The following UBA3 variants were observed in gnomAD, a reference collection of about 807,000 sequenced individuals.
UBA3 encodes ubiquitin like modifier activating enzyme 3, also known as NEDD8-activating enzyme E1 catalytic subunit.
UBA3 carries 26 observed loss-of-function variants against 73.5 expected under a neutral mutation model. The ratio of observed to expected loss-of-function variants is 0.35; its 90% CI spans 0.26 to 0.49. The LOEUF is 0.49. Among genes scored for constraint, UBA3 ranks in the 20% least tolerant of loss-of-function variants. UBA3 has a pLI of 0.98. For synonymous variants in UBA3, 217 were observed against 191.2 expected (o/e 1.13, Z -1.11); for missense variants, 495 against 555.6 (o/e 0.89, Z 1.10).
intron 2 of UBA3, 75 bp from the exon 3 acceptor site, chr3:69,077,993 C>T (rs959023607): frequency 3.9e-6 from 6 of 1,528,736 alleles, no homozygotes; most frequent in African/African-American, 1.4e-5. Context: ...TATGGTATCC[C>T]CAAATGAAAA....
At chr3:69,070,240 A>C (rs527715021) in intron 5 of UBA3, among the ~76,000 whole-genome samples, 1 of 152,332 alleles carries the variant, frequency 6.6e-6, no homozygotes, top group Non-Finnish European at 1.5e-5. Context: ...TAGAGAAGGG[A>C]AATTTCAAAG....
intron 11 of UBA3, among the ~76,000 whole-genome samples, chr3:69,060,508 G>A (rs925601202): frequency 1.3e-5 from 2 of 152,188 alleles, no homozygotes; most frequent in Admixed American, 6.5e-5. Flanking sequence ...GTTAAGACCA[G>A]TCCCATAATG....
intron 11 of UBA3, among the ~76,000 whole-genome samples, chr3:69,061,200 G>A (rs960567352): frequency 6.6e-6 from 1 of 152,146 alleles, no homozygotes; most frequent in African/African-American, 2.4e-5. Flanking sequence ...AACTGAAGAC[G>A]ATTTCTATTT....
chr3:69,066,947 T>A (rs1313699585), intron 6 of UBA3, among the ~76,000 whole-genome samples: 1 of 152,232 alleles, frequency 6.6e-6, no homozygotes, highest in East Asian at 1.9e-4. Flanking sequence ...GTTCTAGTCA[T>A]CTATATATCC....
chr3:69,080,359 T>C lies in UBA3; in HGVS notation c.-6A>G, dbSNP rs2092210460. 1.3e-6 allele frequency: 2 copies of C among 1,599,126 alleles called. No individual in the cohort carries two copies. The highest frequency in any genetic ancestry group is 1.7e-6 in the Non-Finnish European group (2 of 1,175,198). On this transcript the variant is annotated 5_prime_UTR_variant, in exon 1 of 18. Coordinates refer to ENST00000361055, the MANE Select transcript of UBA3 (RefSeq NM_003968.4). The stretch of plus-strand genomic sequence containing the variant: ...GGCTCCTCGCCATCCGCCATATTGT[T>C]CTCCGCCTCTTCCCAGGTGCCCACG...
At chr3:69,057,354 A>G in intron 11 of UBA3, 45 bp from the exon 12 acceptor site, 3 of 1,536,938 alleles carry the variant, frequency 2.0e-6, no homozygotes, top group Non-Finnish European at 2.7e-6. Context: ...CTTTAAAATA[A>G]AAGAGTTCTC....
chr3:69,066,074 G>A (rs1022772810), intron 6 of UBA3, among the ~76,000 whole-genome samples: 1 of 152,026 alleles, frequency 6.6e-6, no homozygotes, highest in Non-Finnish European at 1.5e-5. Context: ...CCGTTTAAGA[G>A]GGTCTTTCAC....
chr3:69,063,253 T>G, intron 8 of UBA3, 116 bp from the exon 9 acceptor site: 1 of 1,367,204 alleles, frequency 7.3e-7, no homozygotes, highest in Non-Finnish European at 1.0e-6. Context: ...ATGTATCAAA[T>G]CAAGGGATTA....
rs750447596 is a variant in UBA3 at position 69,056,629 on chromosome 3, A to G, written c.1066T>C (p.Phe356Leu). 1 of 1,611,858 alleles carries G rather than the reference A, an allele frequency of 6.2e-7. No individual in the cohort carries two copies. Residue 356 changes from phenylalanine to leucine, a missense_variant, in exon 14 of 18, where the codon TTT (phenylalanine) becomes CTT (leucine). Coordinates refer to ENST00000361055, the MANE Select transcript of UBA3 (RefSeq NM_003968.4). ...CTACTAACCTTTCTTTCTGCTTCAA[A>G]TGTGTATGTATACAGCCCATCTACA... Reference protein sequence around the residue: ...NDVDGLYTYTFEAERKENCPA... With the variant: ...NDVDGLYTYTLEAERKENCPA...
At chr3:69,059,372 A>C (rs1305688900) in intron 11 of UBA3, among the ~76,000 whole-genome samples, 1 of 152,204 alleles carries the variant, frequency 6.6e-6, no homozygotes, top group Non-Finnish European at 1.5e-5. Context: ...CAAGGATGTA[A>C]GATAGTTTAA....
intron 11 of UBA3, among the ~76,000 whole-genome samples, chr3:69,059,643 G>C (rs530263136): frequency 6.6e-6 from 1 of 152,092 alleles, no homozygotes; most frequent in African/African-American, 2.4e-5. Context: ...AAGCAGGTCC[G>C]TGTAGGGAGA....
Position 69,055,842 on chromosome 3 carries a change from G to A in UBA3, c.1303+9C>T, listed in dbSNP as rs1024628450. The A allele has an allele frequency of 2.5e-6, 4 of 1,608,958 alleles. No homozygotes were observed. Among genetic ancestry groups the A allele is most frequent in the African/African-American group, 2.7e-5 (2 of 74,800 alleles). ...GAAAATGATTAGTAAATACCCTTATGTAAAATACCTTTCAATGTTTTGGAG... is the reference window on the plus strand; with the variant it reads ...GAAAATGATTAGTAAATACCCTTATATAAAATACCTTTCAATGTTTTGGAG... On this transcript the variant is annotated intron_variant, in intron 17 of 17. Transcript: ENST00000361055.
intron 11 of UBA3, among the ~76,000 whole-genome samples, chr3:69,060,192 A>G (rs958562044): frequency 6.6e-6 from 1 of 152,188 alleles, no homozygotes; most frequent in African/African-American, 2.4e-5. Flanking sequence ...TGAAGCTAGA[A>G]ACACCAGGTA....
At chr3:69,079,476 T>C (rs1381843203) in intron 2 of UBA3, among the ~76,000 whole-genome samples, 1 of 152,104 alleles carries the variant, frequency 6.6e-6, no homozygotes, top group East Asian at 1.9e-4. Flanking sequence ...GGGGAGTAAA[T>C]TATGTGGCGC....
At chr3:69,058,803 G>GA (rs766173176) in intron 11 of UBA3, among the ~76,000 whole-genome samples, 4 of 152,142 alleles carry the variant, frequency 2.6e-5, no homozygotes, top group Non-Finnish European at 4.4e-5. Flanking sequence ...AGAACAAGGG[G>GA]AAAAATCATA....
chr3:69,077,856 T>G lies in UBA3; in HGVS notation c.125A>C (p.Lys42Thr). ...GDWEGRWNHVKKFLERSGPFT... is the reference protein window; with the variant it reads ...GDWEGRWNHVTKFLERSGPFT... The stretch of plus-strand genomic sequence containing the variant: ...GGGTCCAGATCGCTCGAGGAACTTC[T>G]TTACATGGTTCCAGCGACCTTCCCA... The change falls in exon 3 of 18, where the codon AAG (lysine) becomes ACG (threonine). Residue 42 changes from lysine (K) to threonine (T), a missense_variant. By Grantham distance (78) the Lys-to-Thr change is moderately conservative. Transcript: ENST00000361055. 6.2e-7 allele frequency: 1 copy of G among 1,614,162 alleles called. No individual in the cohort carries two copies. The highest frequency in any genetic ancestry group is 1.1e-5 in the South Asian group (1 of 91,088).
intron 4 of UBA3, among the ~76,000 whole-genome samples, chr3:69,074,042 C>A (rs1340339765): frequency 6.6e-6 from 1 of 152,046 alleles, no homozygotes; most frequent in Non-Finnish European, 1.5e-5. Flanking sequence ...TAGTTTTCTT[C>A]TTTTGTGTAA....
intron 5 of UBA3, among the ~76,000 whole-genome samples, chr3:69,069,521 T>C (rs761169505): frequency 6.6e-6 from 1 of 152,088 alleles, no homozygotes; most frequent in Non-Finnish European, 1.5e-5. Flanking sequence ...GACACAGGGT[T>C]TCACCGTGTT....
chr3:69,077,741 A>C, intron 3 of UBA3, 57 bp downstream of exon 3: 1 of 1,485,556 alleles, frequency 6.7e-7, no homozygotes, highest in Non-Finnish European at 9.0e-7. Context: ...GAAGCATTCT[A>C]TTAGTTTTGA....
Sources: allele counts gnomAD v4.1 joint callset (sites outside exome capture counted in the v4.1 genomes callset), GRCh38; gene constraint gnomAD v4.1.1; transcripts MANE v1.5; gene names NCBI Gene and HGNC (gene_info 2026-07-23, HGNC 2026-07-21).